The following CTNNA2 variants were observed in gnomAD, a reference collection of about 807,000 sequenced individuals.
CTNNA2 encodes the protein catenin alpha 2.
A neutral mutation model predicts 101.0 loss-of-function variants in CTNNA2; 42 were observed. The ratio of observed to expected loss-of-function variants is 0.42; its 90% CI spans 0.32 to 0.54. CTNNA2 has a LOEUF of 0.54. Ranked by LOEUF, CTNNA2 falls within the 20% of genes least tolerant of loss-of-function variation. The pLI is 0.14. For synonymous variants in CTNNA2, 450 were observed against 456.4 expected, an observed-to-expected ratio of 0.99 and a Z score of 0.18; for missense variants, 871 against 1,223.1, an observed-to-expected ratio of 0.71 and a Z score of 4.29.
At chr2:80,397,749 G>A (rs1678157190) in intron 8 of CTNNA2, among the ~76,000 whole-genome samples, 1 of 152,162 alleles carries the variant, frequency 6.6e-6, no homozygotes, top group Non-Finnish European at 1.5e-5. Flanking sequence ...GAACAGACCA[G>A]TACAGCACCC....
At chr2:79,193,081 TA>T (rs1673896245) in intron 1 of CTNNA2, among the ~76,000 whole-genome samples, 1 of 152,212 alleles carries the variant, frequency 6.6e-6, no homozygotes, top group Non-Finnish European at 1.5e-5. Flanking sequence ...CTGCTTTGTA[TA>T]AGTTTACACT....
intron 9 of CTNNA2, among the ~76,000 whole-genome samples, chr2:80,455,754 C>T (rs2149463739): frequency 6.6e-6 from 1 of 152,248 alleles, no homozygotes; most frequent in East Asian, 1.9e-4. Context: ...AAGGCCAGTG[C>T]CATTGCTTAC....
chr2:79,680,832 G>A (rs1331250186), intron 2 of CTNNA2, among the ~76,000 whole-genome samples: 2 of 152,178 alleles, frequency 1.3e-5, no homozygotes, highest in Non-Finnish European at 2.9e-5. Context: ...AGGTAAACTG[G>A]CTTTTTCATC....
rs572225190 is a variant in CTNNA2, at chr2:79,620,127, AT to A, written c.-5-31424del. ...GCCAAGAGTTGCATAAAATCTATTT[AT>A]GTCAGTGTGTGGCTTAACATTCTTT... On this transcript the variant is annotated intron_variant, in intron 1 of 18. Coordinates refer to ENST00000402739, the MANE Select transcript of CTNNA2 (RefSeq NM_001282597.3). Among the ~76,000 whole-genome samples, 117 of 152,300 alleles carry A rather than the reference AT, an allele frequency of 7.7e-4. 1 individual carries two copies. The highest frequency in any genetic ancestry group is 2.7e-3 in the African/African-American group (112 of 41,562).
At chr2:79,810,554 T>G (rs1374643572) in intron 3 of CTNNA2, among the ~76,000 whole-genome samples, 1 of 151,850 alleles carries the variant, frequency 6.6e-6, no homozygotes, top group Non-Finnish European at 1.5e-5. Context: ...TACTTTAAGT[T>G]TTAGGGTACA....
At chr2:79,222,360 T>C (rs1242021144) in intron 2 of CTNNA2, among the ~76,000 whole-genome samples, 2 of 152,208 alleles carry the variant, frequency 1.3e-5, no homozygotes, top group African/African-American at 4.8e-5. Context: ...TCTGTAGGAA[T>C]CCTTCTGCAG....
At chr2:79,453,862 A>C in intron 4 of CTNNA2, among the ~76,000 whole-genome samples, 1 of 152,170 alleles carries the variant, frequency 6.6e-6, no homozygotes, top group Non-Finnish European at 1.5e-5. Context: ...AGAGAAATAG[A>C]GGTAAGTAGA....
chr2:80,327,764 A>C (rs1440844806), intron 7 of CTNNA2, among the ~76,000 whole-genome samples: 2 of 152,182 alleles, frequency 1.3e-5, no homozygotes, highest in Admixed American at 6.5e-5. Flanking sequence ...TTATTTAATT[A>C]ATTCCCTAAT....
At chr2:80,160,629 T>C (rs1453979745) in intron 7 of CTNNA2, among the ~76,000 whole-genome samples, 1 of 152,240 alleles carries the variant, frequency 6.6e-6, no homozygotes, top group Non-Finnish European at 1.5e-5. Flanking sequence ...TTCATGTATA[T>C]TGTATCTTGC....
chr2:80,289,843 A>G (rs1428604282), intron 7 of CTNNA2, among the ~76,000 whole-genome samples: 1 of 152,304 alleles, frequency 6.6e-6, no homozygotes, highest in Non-Finnish European at 1.5e-5. Context: ...TCAAAAGTGT[A>G]CTTGCCTCCC....
At chr2:79,805,861 C>G (rs1280171766) in intron 3 of CTNNA2, among the ~76,000 whole-genome samples, 1 of 151,806 alleles carries the variant, frequency 6.6e-6, no homozygotes, top group African/African-American at 2.4e-5. Context: ...TGGCGTGAAC[C>G]TGGGAGGCGG....
At chr2:79,982,509 A>G (rs1691455467) in intron 7 of CTNNA2, among the ~76,000 whole-genome samples, 2 of 149,672 alleles carry the variant, frequency 1.3e-5, no homozygotes, top group South Asian at 4.2e-4. Flanking sequence ...ACATGCACGC[A>G]CACACACACA....
At chr2:80,043,612 T>C (rs1438448465) in intron 7 of CTNNA2, among the ~76,000 whole-genome samples, 1 of 152,224 alleles carries the variant, frequency 6.6e-6, no homozygotes, top group Non-Finnish European at 1.5e-5. Context: ...TGATTTCTCA[T>C]ATTTCTTCAC....
At chr2:79,726,854 A>C (rs981332964) in intron 2 of CTNNA2, among the ~76,000 whole-genome samples, 3 of 152,230 alleles carry the variant, frequency 2.0e-5, no homozygotes, top group Non-Finnish European at 4.4e-5. Context: ...GAAATATATC[A>C]GACTTCAGAC....
chr2:80,562,845 CA>C (rs1315729225), intron 12 of CTNNA2, among the ~76,000 whole-genome samples: 1 of 151,526 alleles, frequency 6.6e-6, no homozygotes, highest in Non-Finnish European at 1.5e-5. Context: ...CATTTATTTT[CA>C]AAAAAGGTAA....
rs184327651 is a variant in CTNNA2 at position 79,643,959 on chromosome 2, A to T, written c.-5-7593A>T. On this transcript the variant is annotated intron_variant, in intron 1 of 18. Transcript: ENST00000402739. ...TCCCTCTGCCTTTTCCCTTAGCCCT[A>T]CCCGTCTTACATCCTCTTCTGCTGT... is the stretch of plus-strand genomic sequence containing the variant. Among the ~76,000 whole-genome samples the T allele has an allele frequency of 1.9e-3, 291 of 152,080 alleles. 1 individual carries two copies. The highest frequency in any genetic ancestry group is 6.2e-3 in the African/African-American group (256 of 41,474).
intron 12 of CTNNA2, among the ~76,000 whole-genome samples, chr2:80,562,346 A>C (rs1488334365): frequency 6.6e-6 from 1 of 152,206 alleles, no homozygotes; most frequent in South Asian, 2.1e-4. Flanking sequence ...TAGAAATGTA[A>C]ATGATTCCTC....
intron 4 of CTNNA2, among the ~76,000 whole-genome samples, chr2:79,410,308 A>C (rs1322719400): frequency 1.4e-5 from 2 of 141,606 alleles, no homozygotes; most frequent in Non-Finnish European, 3.1e-5. Flanking sequence ...TCTCCTGCCT[A>C]ATTGCCCTGG....
intron 1 of CTNNA2, among the ~76,000 whole-genome samples, chr2:79,609,365 A>G (rs1678117774): frequency 6.6e-6 from 1 of 152,056 alleles, no homozygotes. Context: ...TATGTGCTGT[A>G]TCTGTTCACC....
Sources: gnomAD v4.1 joint callset for allele counts (sites outside exome capture counted in the v4.1 genomes callset) on GRCh38, gnomAD v4.1.1 for gene constraint, MANE v1.5 for transcripts, NCBI Gene and HGNC (gene_info 2026-07-23, HGNC 2026-07-21) for gene names.